KCNN2: variants seen among roughly 807,000 people sequenced by gnomAD.
The protein encoded by KCNN2 is potassium calcium-activated channel subfamily N member 2.
A neutral mutation model predicts 55.5 loss-of-function variants in KCNN2; 24 were observed. The ratio of observed to expected loss-of-function variants is 0.43; its 90% CI spans 0.31 to 0.61. The LOEUF (loss-of-function observed/expected upper bound fraction) is 0.61. Ranked by LOEUF, KCNN2 falls within the 20% of genes least tolerant of loss-of-function variation. The pLI, the probability that KCNN2 is intolerant of heterozygous loss-of-function variation, is 0.08. For missense variants in KCNN2, 754 were observed against 853.6 expected (o/e 0.88, Z 1.45); for synonymous variants, 431 against 336.1 (o/e 1.28, Z -3.09).
intron 2 of KCNN2, among the ~76,000 whole-genome samples, chr5:114,332,318 G>A (rs1484487056): frequency 2.6e-5 from 4 of 152,208 alleles, no homozygotes; most frequent in African/African-American, 9.6e-5. Context: ...GCTGTGTCTT[G>A]AGAGACAGTT....
rs941393586 is a variant in KCNN2 at position 114,377,416 on chromosome 5, A to T, written c.1218+13415A>T. 3.3e-5 allele frequency among the ~76,000 whole-genome samples: 5 copies of T among 152,174 alleles called. No homozygotes were observed. In the East Asian group the frequency reaches 7.7e-4, roughly 24 times the overall value. ...AATAAGCATAAGCGTAACATTTTCC[A>T]GTCATGTTGGATGGTGTCTGTTGCT... On this transcript the variant is annotated intron_variant, in intron 2 of 7. Coordinates refer to ENST00000673685, the MANE Select transcript of KCNN2 (RefSeq NM_021614.4).
intron 1 of KCNN2, among the ~76,000 whole-genome samples, chr5:114,133,884 A>G (rs550512230): frequency 2.6e-5 from 4 of 152,344 alleles, no homozygotes; most frequent in Non-Finnish European, 5.9e-5. Flanking sequence ...TTTCTGTATC[A>G]TAAGAGATAG....
At chr5:114,385,454 CT>C (rs1428858584) in intron 2 of KCNN2, among the ~76,000 whole-genome samples, 2 of 151,628 alleles carry the variant, frequency 1.3e-5, no homozygotes, top group Non-Finnish European at 2.9e-5. Flanking sequence ...GTATAATGTT[CT>C]TTGTGATCTT....
chr5:114,408,524 C>G (rs903552848), intron 3 of KCNN2, among the ~76,000 whole-genome samples: 1 of 152,106 alleles, frequency 6.6e-6, no homozygotes, highest in Non-Finnish European at 1.5e-5. Flanking sequence ...ATGGTATTTA[C>G]AGGCTTATGA....
At chr5:114,201,701 G>A (rs111876752) in intron 1 of KCNN2, among the ~76,000 whole-genome samples, 1 of 152,046 alleles carries the variant, frequency 6.6e-6, no homozygotes, top group Non-Finnish European at 1.5e-5. Context: ...CAGAGAAGGC[G>A]GGGTCCCTCT....
At chr5:114,238,645 T>C (rs1754558250) in intron 2 of KCNN2, among the ~76,000 whole-genome samples, 1 of 151,736 alleles carries the variant, frequency 6.6e-6, no homozygotes, top group South Asian at 2.1e-4. Context: ...AAAAAAGGAT[T>C]ATTGTTCTCT....
At chr5:114,131,076 T>G (rs1417461515) in intron 1 of KCNN2, among the ~76,000 whole-genome samples, 1 of 152,202 alleles carries the variant, frequency 6.6e-6, no homozygotes, top group Non-Finnish European at 1.5e-5. Context: ...TCTAAGCCAT[T>G]GAAAGCACAA....
intron 2 of KCNN2, among the ~76,000 whole-genome samples, chr5:114,305,102 AG>A (rs1450902908): frequency 6.6e-6 from 1 of 152,240 alleles, no homozygotes; most frequent in East Asian, 1.9e-4. Context: ...GAGACTATAA[AG>A]ATTTAAACAG....
chr5:114,200,898 G>T (rs1290719641), intron 1 of KCNN2, among the ~76,000 whole-genome samples: 1 of 152,158 alleles, frequency 6.6e-6, no homozygotes, highest in African/African-American at 2.4e-5. Flanking sequence ...TTGGGCTCCA[G>T]TGGTGGCAGT....
intron 3 of KCNN2, among the ~76,000 whole-genome samples, chr5:114,459,264 C>G (rs971387493): frequency 6.6e-6 from 1 of 152,170 alleles, no homozygotes; most frequent in Non-Finnish European, 1.5e-5. Flanking sequence ...GCATTCCTTG[C>G]ACTAATTTTA....
At chr5:114,184,828 C>G (rs1753300134) in intron 1 of KCNN2, among the ~76,000 whole-genome samples, 1 of 152,178 alleles carries the variant, frequency 6.6e-6, no homozygotes, top group African/African-American at 2.4e-5. Context: ...ATCCCTAATA[C>G]AACTCCTTTT....
chr5:114,158,548 T>C (rs542362921), intron 1 of KCNN2, among the ~76,000 whole-genome samples: 10 of 152,152 alleles, frequency 6.6e-5, no homozygotes, highest in African/African-American at 2.2e-4. Context: ...AGAAAGTCAT[T>C]GGTAGCTTGA....
chr5:114,284,589 CTCA>C (rs1477109010), intron 2 of KCNN2, among the ~76,000 whole-genome samples: 1 of 152,136 alleles, frequency 6.6e-6, no homozygotes, highest in Non-Finnish European at 1.5e-5. Context: ...ACAGTCTTGG[CTCA>C]CTGCAATCTT....
rs565239834 is a variant in KCNN2 at position 114,130,921 on chromosome 5, A to G, written c.-271+74421A>G. ...CATCTTACTACTCTGTCTGCATCAG[A>G]TAGCTCAGAGAATTTGGCCTGAGTC... On this transcript the variant is annotated intron_variant, in intron 1 of 10. Transcript: ENST00000512097. Among the ~76,000 whole-genome samples the G allele has an allele frequency of 3.2e-4, 48 of 152,312 alleles. No individual in the cohort carries two copies. The South Asian group carries it at 9.3e-3, about 30-fold the overall frequency.
chr5:114,357,388 C>T (rs553923209), upstream of KCNN2, among the ~76,000 whole-genome samples: 226 of 139,596 alleles, frequency 1.6e-3, no homozygotes, highest in Non-Finnish European at 2.5e-3. Flanking sequence ...CATGCTGGTG[C>T]GCTGCACCCA....
chr5:114,247,184 C>G (rs1235823543), intron 2 of KCNN2, among the ~76,000 whole-genome samples: 2 of 97,296 alleles, frequency 2.1e-5, no homozygotes, highest in Non-Finnish European at 4.0e-5. Context: ...ATTAGCCAGG[C>G]ATGGTACCAT....
chr5:114,303,142 C>T (rs758346829), intron 2 of KCNN2, among the ~76,000 whole-genome samples: 6 of 152,228 alleles, frequency 3.9e-5, no homozygotes, highest in African/African-American at 7.2e-5. Context: ...GATAAATATA[C>T]GTCTTGGGAC....
intron 1 of KCNN2, among the ~76,000 whole-genome samples, chr5:114,158,009 T>G (rs1448909543): frequency 6.6e-5 from 10 of 152,120 alleles, no homozygotes; most frequent in Non-Finnish European, 1.3e-4. Flanking sequence ...TTAGTTTAAT[T>G]AGATCCCATT....
At chr5:114,194,055 T>C (rs1246403794) in intron 1 of KCNN2, among the ~76,000 whole-genome samples, 5 of 152,152 alleles carry the variant, frequency 3.3e-5, no homozygotes, top group Admixed American at 3.3e-4. Context: ...CTTCATCCTA[T>C]TCATCACTTC....
Sources: gnomAD v4.1 joint callset for allele counts (sites outside exome capture counted in the v4.1 genomes callset) on GRCh38, gnomAD v4.1.1 for gene constraint, MANE v1.5 for transcripts, NCBI Gene and HGNC (gene_info 2026-07-23, HGNC 2026-07-21) for gene names.